DGKB: variants seen among roughly 807,000 people sequenced by gnomAD.
DGKB encodes the protein 90 kDa diacylglycerol kinase.
A neutral mutation model predicts 114.3 loss-of-function variants in DGKB; 67 were observed. The ratio of observed to expected loss-of-function variants is 0.59; its 90% CI spans 0.48 to 0.72. DGKB has a LOEUF of 0.72. Ranked by LOEUF, DGKB falls within the 30% of genes least tolerant of loss-of-function variation. The probability of loss-of-function intolerance (pLI) is 0.00; values close to 1 mark genes in which losing one functional copy is unlikely to be tolerated. For synonymous variants in DGKB, 398 were observed against 323.1 expected, an observed-to-expected ratio of 1.23 and a Z score of -2.49; for missense variants, 907 against 975.2, an observed-to-expected ratio of 0.93 and a Z score of 0.93.
In DGKB at chr7:14,621,363, T is replaced by C; in HGVS notation, c.1284+15A>G. ...AATATGAAACCTACTAAAATTTTGA[T>C]TTAAAAAATCATACCTGCAGGCCTT... On this transcript the variant is annotated intron_variant, in intron 15 of 25. Coordinates refer to ENST00000402815, the MANE Select transcript of DGKB (RefSeq NM_001350709.2). 1 of 1,546,006 alleles carries C rather than the reference T, an allele frequency of 6.5e-7. No individual in the cohort carries two copies. Among genetic ancestry groups the C allele is most frequent in the Non-Finnish European group, 8.9e-7 (1 of 1,121,480 alleles).
intron 23 of DGKB, among the ~76,000 whole-genome samples, chr7:14,312,012 AT>A (rs11318713): frequency 0.65 from 98,793 of 151,092 alleles, 33,351 homozygotes; most frequent in South Asian, 0.74. Context: ...CAGCTATGTT[AT>A]TTTTTTTTTC....
chr7:14,808,851 T>C (rs1177760654), intron 2 of DGKB, among the ~76,000 whole-genome samples: 1 of 152,198 alleles, frequency 6.6e-6, no homozygotes, highest in Non-Finnish European at 1.5e-5. Context: ...ACTCAAGAAG[T>C]AGGTCTATTC....
chr7:14,364,120 A>T (rs1816235121), intron 21 of DGKB, among the ~76,000 whole-genome samples: 1 of 152,068 alleles, frequency 6.6e-6, no homozygotes, highest in African/African-American at 2.4e-5. Context: ...TTTTTCTGAC[A>T]CTACTATTAT....
At chr7:14,424,437 A>C (rs936660424) in intron 21 of DGKB, among the ~76,000 whole-genome samples, 4 of 151,908 alleles carry the variant, frequency 2.6e-5, no homozygotes, top group African/African-American at 9.7e-5. Flanking sequence ...AATACCATTT[A>C]GCAAAAAGCC....
At chr7:14,393,017 G>C (rs1821629849) in intron 21 of DGKB, among the ~76,000 whole-genome samples, 1 of 902 alleles carries the variant, frequency 1.1e-3, no homozygotes, top group Non-Finnish European at 0.015. Context: ...TTGAGACGGA[G>C]TCTCGCTATC....
At chr7:14,379,414 T>G (rs538257504) in intron 21 of DGKB, among the ~76,000 whole-genome samples, 35 of 152,036 alleles carry the variant, frequency 2.3e-4, no homozygotes, top group Non-Finnish European at 4.7e-4. Context: ...TTTTTTTTTT[T>G]TTTTCCACTT....
chr7:14,724,076 A>T (rs1829663668), intron 5 of DGKB, among the ~76,000 whole-genome samples: 1 of 152,210 alleles, frequency 6.6e-6, no homozygotes, highest in African/African-American at 2.4e-5. Context: ...TTAATGAAAT[A>T]GTCAAAAACA....
intron 17 of DGKB, among the ~76,000 whole-genome samples, chr7:14,591,952 T>C (rs1801773133): frequency 6.6e-6 from 1 of 151,950 alleles, no homozygotes; most frequent in Non-Finnish European, 1.5e-5. Flanking sequence ...TTGGAAAGTG[T>C]CATAAATCAG....
intron 23 of DGKB, among the ~76,000 whole-genome samples, chr7:14,288,443 G>T (rs186606435): frequency 3.9e-5 from 6 of 151,960 alleles, no homozygotes; most frequent in Admixed American, 3.3e-4. Flanking sequence ...ACTCACTCAG[G>T]TATTGATTGC....
chr7:14,290,066 A>C (rs1801514792), intron 23 of DGKB, among the ~76,000 whole-genome samples: 1 of 152,124 alleles, frequency 6.6e-6, no homozygotes, highest in Admixed American at 6.6e-5. Context: ...GGCAACATGC[A>C]ACCACCAGTT....
At chr7:14,811,381 G>C (rs961987003) in intron 2 of DGKB, among the ~76,000 whole-genome samples, 2 of 152,012 alleles carry the variant, frequency 1.3e-5, no homozygotes, top group South Asian at 4.1e-4. Flanking sequence ...CCTAGTAACA[G>C]GAAGTTTTAA....
intron 5 of DGKB, among the ~76,000 whole-genome samples, chr7:14,730,387 C>T (rs1830731682): frequency 6.6e-6 from 1 of 152,060 alleles, no homozygotes; most frequent in Non-Finnish European, 1.5e-5. Flanking sequence ...TCCAGGTGTG[C>T]CATCTTATTA....
chr7:14,364,361 C>T (rs1816278582), intron 21 of DGKB, among the ~76,000 whole-genome samples: 1 of 149,348 alleles, frequency 6.7e-6, no homozygotes, highest in African/African-American at 2.5e-5. Flanking sequence ...GGATTACTGG[C>T]TTAAACAATA....
chr7:14,316,695 T>C (rs1364829343), intron 23 of DGKB, among the ~76,000 whole-genome samples: 3 of 147,974 alleles, frequency 2.0e-5, no homozygotes, highest in African/African-American at 7.5e-5. Context: ...AGCCGAATTC[T>C]ACCAGAGGTA....
chr7:14,197,633 G>A (rs1339479519), intron 23 of DGKB, among the ~76,000 whole-genome samples: 1 of 152,060 alleles, frequency 6.6e-6, no homozygotes, highest in East Asian at 1.9e-4. Context: ...AATGTGTTTG[G>A]ACTGATTGCC....
chr7:14,216,433 T>C (rs1245063369), intron 23 of DGKB, among the ~76,000 whole-genome samples: 3 of 151,904 alleles, frequency 2.0e-5, no homozygotes, highest in Admixed American at 6.6e-5. Context: ...ACTATGAAAA[T>C]GCATATAGCA....
At position 14,178,071 on chromosome 7, in the gene DGKB, C is replaced by A. The variant is rs1782051168; in HGVS notation, c.2203G>T (p.Ala735Ser). 6.2e-7 allele frequency: 1 copy of A among 1,605,766 alleles called. No individual in the cohort carries two copies. Among genetic ancestry groups the A allele is most frequent in the Non-Finnish European group, 8.5e-7 (1 of 1,177,490 alleles). ...MGQIYTGLKS[A>S]GRRLAQCSCV... ...GAGCACTGAGCCAGCCGCCGGCCAG[C>A]ACTTTTCAGGCCTGTGTATATTTGC... The change falls in exon 24 of 26, where the codon GCT becomes TCT. Residue 735 changes from alanine (A) to serine (S), a missense_variant. Ala to Ser is a moderately conservative substitution (Grantham distance 99, BLOSUM62 1). Coordinates refer to ENST00000402815, the MANE Select transcript of DGKB (RefSeq NM_001350709.2).
intron 1 of DGKB, among the ~76,000 whole-genome samples, chr7:14,855,792 T>C (rs1296540932): frequency 2.6e-5 from 4 of 152,160 alleles, no homozygotes; most frequent in Admixed American, 2.0e-4. Context: ...GGACTTTTGA[T>C]ATAATTTCAA....
intron 20 of DGKB, among the ~76,000 whole-genome samples, chr7:14,522,246 T>G (rs547600916): frequency 6.6e-6 from 1 of 152,198 alleles, no homozygotes; most frequent in Admixed American, 6.6e-5. Context: ...TTCTGACATC[T>G]TTGTCGCACA....
Sources: gnomAD v4.1 joint callset for allele counts (sites outside exome capture counted in the v4.1 genomes callset) on GRCh38, gnomAD v4.1.1 for gene constraint, MANE v1.5 for transcripts, NCBI Gene and HGNC (gene_info 2026-07-23, HGNC 2026-07-21) for gene names.